Variants in BMPR2 observed in about 807,000 individuals in gnomAD.
BMPR2 encodes the protein bone morphogenetic protein receptor type-2.
Under a neutral mutation model 100.8 loss-of-function variants are expected in BMPR2, and 29 were observed. The ratio of observed to expected loss-of-function variants is 0.29; its 90% confidence interval spans 0.21 to 0.39. The LOEUF (loss-of-function observed/expected upper bound fraction) is 0.39, where lower values mean the gene tolerates loss of function less well. Among genes scored for constraint, BMPR2 ranks in the 10% least tolerant of loss-of-function variants. BMPR2 has a pLI of 1.00. For synonymous variants in BMPR2, 382 were observed against 442.3 expected (o/e 0.86, Z 1.71); for missense variants, 1,011 against 1,274.5 (o/e 0.79, Z 3.15).
chr2:202,521,698 T>G (rs1687821575), intron 7 of BMPR2, among the ~76,000 whole-genome samples: 1 of 152,168 alleles, frequency 6.6e-6, no homozygotes, highest in South Asian at 2.1e-4. Flanking sequence ...AGAAAATGCC[T>G]GTGGGGACAG....
intron 1 of BMPR2, among the ~76,000 whole-genome samples, chr2:202,404,260 C>T (rs575471707): frequency 8.8e-4 from 131 of 148,264 alleles, no homozygotes; most frequent in African/African-American, 3.1e-3. Flanking sequence ...GGCATGATCT[C>T]GGCTCACTGC....
At chr2:202,391,072 G>A (rs1453951575) in intron 1 of BMPR2, among the ~76,000 whole-genome samples, 5 of 144,336 alleles carry the variant, frequency 3.5e-5, no homozygotes, top group African/African-American at 7.7e-5. Flanking sequence ...TGCCTCCCGG[G>A]TTCAAGTGAT....
intron 1 of BMPR2, among the ~76,000 whole-genome samples, chr2:202,384,872 C>T (rs1466675971): frequency 9.9e-5 from 15 of 152,148 alleles, no homozygotes; most frequent in African/African-American, 3.1e-4. Context: ...GGATTACAGA[C>T]GTGAGCCACC....
chr2:202,489,674 TAAA>T lies in BMPR2; in HGVS notation c.418+21988_418+21990del, dbSNP rs566763675. On this transcript the variant is annotated intron_variant, in intron 3 of 12. Coordinates refer to ENST00000374580, the MANE Select transcript of BMPR2 (RefSeq NM_001204.7). The stretch of plus-strand genomic sequence containing the variant: ...CAAACATGATTAATTTTAACAGTGT[TAAA>T]AATTCATTTTATAGTTAGTAGTGGG... Among the ~76,000 whole-genome samples the T allele has an allele frequency of 6.0e-3, 911 of 152,364 alleles. 15 individuals are homozygous for T. The highest frequency in any genetic ancestry group is 0.021 in the African/African-American group (869 of 41,588).
At chr2:202,385,697 TTG>T (rs1223790385) in intron 1 of BMPR2, among the ~76,000 whole-genome samples, 1 of 143,766 alleles carries the variant, frequency 7.0e-6, no homozygotes, top group Non-Finnish European at 1.5e-5. Flanking sequence ...TTTTATATGG[TTG>T]TGATTTTATA....
At chr2:202,390,670 G>T (rs947680841) in intron 1 of BMPR2, among the ~76,000 whole-genome samples, 1 of 151,916 alleles carries the variant, frequency 6.6e-6, no homozygotes, top group Non-Finnish European at 1.5e-5. Flanking sequence ...CAAATACTAC[G>T]TAATATCATT....
chr2:202,485,994 G>C (rs551209012), intron 3 of BMPR2, among the ~76,000 whole-genome samples: 1 of 152,040 alleles, frequency 6.6e-6, no homozygotes, highest in Admixed American at 6.5e-5. Flanking sequence ...TTGGCCTTTA[G>C]GATAAAACAT....
intron 10 of BMPR2, among the ~76,000 whole-genome samples, chr2:202,543,021 CA>C (rs1688305620): frequency 6.6e-6 from 1 of 151,308 alleles, no homozygotes; most frequent in African/African-American, 2.4e-5. Context: ...TACTAAAATA[CA>C]AAAAATTAGC....
At chr2:202,448,822 T>G (rs1364360943) in intron 1 of BMPR2, among the ~76,000 whole-genome samples, 1 of 152,004 alleles carries the variant, frequency 6.6e-6, no homozygotes, top group Non-Finnish European at 1.5e-5. Context: ...AAGCGTGGCT[T>G]ATGTGCTTTT....
intron 1 of BMPR2, among the ~76,000 whole-genome samples, chr2:202,429,715 T>C (rs1433947563): frequency 1.3e-5 from 2 of 152,108 alleles, no homozygotes; most frequent in South Asian, 2.1e-4. Context: ...TGGGGAGGCC[T>C]CAGGAAACTT....
chr2:202,452,929 G>A (rs1258214671), intron 1 of BMPR2, among the ~76,000 whole-genome samples: 3 of 152,184 alleles, frequency 2.0e-5, no homozygotes, highest in Non-Finnish European at 2.9e-5. Context: ...TCAGAGAAAT[G>A]TTTAAGAGGA....
At chr2:202,451,746 T>G (rs899303836) in intron 1 of BMPR2, among the ~76,000 whole-genome samples, 35 of 152,204 alleles carry the variant, frequency 2.3e-4, no homozygotes, top group Admixed American at 1.7e-3. Context: ...TGTTTTGTTT[T>G]TTGTTGTTGT....
chr2:202,493,693 T>C (rs1473609142), intron 3 of BMPR2, among the ~76,000 whole-genome samples: 6 of 152,184 alleles, frequency 3.9e-5, no homozygotes, highest in Non-Finnish European at 7.4e-5. Context: ...TAAATACTTA[T>C]GGAGCTAAAA....
chr2:202,383,075 T>C (rs1279076514), intron 1 of BMPR2, among the ~76,000 whole-genome samples: 1 of 152,206 alleles, frequency 6.6e-6, no homozygotes. Flanking sequence ...CTGGTAAACA[T>C]TAGGAACAAA....
chr2:202,443,560 CTT>C (rs1227042662), intron 1 of BMPR2, among the ~76,000 whole-genome samples: 1 of 149,026 alleles, frequency 6.7e-6, no homozygotes, highest in African/African-American at 2.6e-5. Context: ...CTCTTTCTCT[CTT>C]TCTTTCTTCT....
At chr2:202,464,708 T>C (rs543261516) in intron 1 of BMPR2, 101 bp from the exon 2 acceptor site, 1 of 1,107,398 alleles carries the variant, frequency 9.0e-7, no homozygotes, top group Non-Finnish European at 1.3e-6. Context: ...TCAAATAATT[T>C]AGTAGGGAAA....
At position 202,560,049 on chromosome 2, in the gene BMPR2, C is replaced by A. The variant is rs1384452852; in HGVS notation, c.*103C>A. On this transcript the variant is annotated 3_prime_UTR_variant, in exon 13 of 13. Transcript: ENST00000374580. ...AACTGCTTTATCCTCCTGTCAGCAC[C>A]CCCTCCCACCCCTGCAACAAAGACT... The A allele has an allele frequency of 5.8e-6, 8 of 1,369,172 alleles. No individual in the cohort carries two copies. Among genetic ancestry groups the A allele is most frequent in the Non-Finnish European group, 7.0e-6 (7 of 996,452 alleles). 84.8% of individuals were successfully genotyped at this position (1,369,172 alleles called of 1,614,324 possible). A position where few individuals can be genotyped will look rare whatever the true frequency, so the allele number is the denominator to read the frequency against.
intron 10 of BMPR2, among the ~76,000 whole-genome samples, chr2:202,543,978 C>T (rs1349386351): frequency 2.6e-5 from 4 of 152,036 alleles, no homozygotes; most frequent in Non-Finnish European, 4.4e-5. Context: ...CACTGCCCTC[C>T]AGCCTGAGTA....
chr2:202,516,076 A>G (rs1490819446), intron 5 of BMPR2, among the ~76,000 whole-genome samples: 1 of 152,152 alleles, frequency 6.6e-6, no homozygotes, highest in African/African-American at 2.4e-5. Context: ...GCTCTTTTAT[A>G]TAGAATTTAA....
Sources: allele counts gnomAD v4.1 joint callset (sites outside exome capture counted in the v4.1 genomes callset), GRCh38; gene constraint gnomAD v4.1.1; transcripts MANE v1.5; gene names NCBI Gene and HGNC (gene_info 2026-07-23, HGNC 2026-07-21).